The following USP13 variants were observed in gnomAD, a reference collection of about 807,000 sequenced individuals.
USP13 encodes ubiquitin specific peptidase 13.
A neutral mutation model predicts 107.8 loss-of-function variants in USP13; 68 were observed. The ratio of observed to expected loss-of-function variants is 0.63; its 90% confidence interval spans 0.52 to 0.77. The LOEUF is 0.77. Ranked by LOEUF, USP13 falls within the 30% of genes least tolerant of loss-of-function variation. The pLI, the probability that USP13 is intolerant of heterozygous loss-of-function variation, is 0.00. For missense variants in USP13, 945 were observed against 1,093.3 expected, an observed-to-expected ratio of 0.86 and a Z score of 1.91; for synonymous variants, 377 against 389.5, an observed-to-expected ratio of 0.97 and a Z score of 0.38.
At chr3:179,671,787 G>A (rs758338755) in intron 1 of USP13, among the ~76,000 whole-genome samples, 1 of 152,018 alleles carries the variant, frequency 6.6e-6, no homozygotes, top group Non-Finnish European at 1.5e-5. Flanking sequence ...AAAATACGGT[G>A]TTCTGGTCTT....
chr3:179,674,191 C>G (rs1231628572), intron 1 of USP13, among the ~76,000 whole-genome samples: 1 of 152,182 alleles, frequency 6.6e-6, no homozygotes, highest in African/African-American at 2.4e-5. Context: ...CTGCGCCCGG[C>G]CTGTTTTGAG....
At chr3:179,739,109 C>A (rs771438472) in intron 10 of USP13, among the ~76,000 whole-genome samples, 2 of 152,334 alleles carry the variant, frequency 1.3e-5, no homozygotes, top group African/African-American at 4.8e-5. Flanking sequence ...AAGGACCTTT[C>A]CCTGATGCTC....
intron 13 of USP13, among the ~76,000 whole-genome samples, chr3:179,748,323 T>C (rs1013120597): frequency 6.6e-6 from 1 of 152,264 alleles, no homozygotes; most frequent in Non-Finnish European, 1.5e-5. Context: ...TTCTGTATTA[T>C]GCTTTATCAT....
chr3:179,759,197 G>A (rs1714918845), intron 16 of USP13, among the ~76,000 whole-genome samples: 1 of 151,928 alleles, frequency 6.6e-6, no homozygotes, highest in South Asian at 2.1e-4. Flanking sequence ...TAGCTAGGCT[G>A]GTCTCGAACT....
At chr3:179,693,917 G>A (rs189204841) in intron 3 of USP13, among the ~76,000 whole-genome samples, 1 of 151,448 alleles carries the variant, frequency 6.6e-6, no homozygotes, top group East Asian at 2.0e-4. Flanking sequence ...GACCTCAGGT[G>A]GTCTGCCCAC....
chr3:179,659,765 G>A (rs557887943), intron 1 of USP13, among the ~76,000 whole-genome samples: 141 of 152,250 alleles, frequency 9.3e-4, no homozygotes, highest in South Asian at 1.0e-3. Flanking sequence ...TTGGCTGGGC[G>A]CGGTGGCTCA....
At position 179,760,786 on chromosome 3, in the gene USP13, G is replaced by A. The variant is rs556640484; in HGVS notation, c.1949-326G>A. Among the ~76,000 whole-genome samples, 113 of 152,278 alleles carry A rather than the reference G, an allele frequency of 7.4e-4. No individual in the cohort carries two copies. The South Asian group carries it at 0.022, about 30-fold the overall frequency. On this transcript the variant is annotated intron_variant, in intron 16 of 20. Coordinates refer to ENST00000263966, the MANE Select transcript of USP13 (RefSeq NM_003940.3). ...CTGTTCAAGTTTCAGTCATAGGAGA[G>A]GCTGTCATAGAGGTCTTGAGAATGC...
intron 10 of USP13, among the ~76,000 whole-genome samples, chr3:179,732,649 C>G (rs1354518694): frequency 1.3e-5 from 2 of 152,106 alleles, no homozygotes; most frequent in African/African-American, 4.8e-5. Flanking sequence ...CTCTTGGGAT[C>G]TCCTCATTTG....
At chr3:179,723,082 C>T (rs908377597) in intron 8 of USP13, among the ~76,000 whole-genome samples, 5 of 152,098 alleles carry the variant, frequency 3.3e-5, no homozygotes, top group African/African-American at 7.2e-5. Context: ...AGTTTAAGTG[C>T]GGAAGAGGAC....
chr3:179,758,795 G>A (rs955669395), intron 16 of USP13, among the ~76,000 whole-genome samples: 22 of 152,004 alleles, frequency 1.4e-4, no homozygotes, highest in Admixed American at 1.4e-3. Flanking sequence ...ACCGCGCCCG[G>A]CCCTTAAAAT....
At chr3:179,747,704 A>G (rs1714457343) in intron 13 of USP13, among the ~76,000 whole-genome samples, 1 of 152,090 alleles carries the variant, frequency 6.6e-6, no homozygotes, top group Non-Finnish European at 1.5e-5. Flanking sequence ...TCCTGTGTCT[A>G]CCTTCCACGT....
At chr3:179,719,331 A>G (rs1309606697) in intron 6 of USP13, among the ~76,000 whole-genome samples, 9 of 152,138 alleles carry the variant, frequency 5.9e-5, no homozygotes, top group Non-Finnish European at 1.5e-5. Flanking sequence ...GGGAAGCGCC[A>G]CACAGTCTTC....
intron 19 of USP13, among the ~76,000 whole-genome samples, chr3:179,773,271 G>A (rs1192383772): frequency 6.6e-6 from 1 of 152,200 alleles, no homozygotes; most frequent in Non-Finnish European, 1.5e-5. Flanking sequence ...GGGAGTTAGA[G>A]ATAGGCAATG....
At chr3:179,726,739 A>G (rs1576955745) in intron 8 of USP13, among the ~76,000 whole-genome samples, 2 of 151,604 alleles carry the variant, frequency 1.3e-5, no homozygotes, top group Admixed American at 6.6e-5. Flanking sequence ...GTGCAGTGGT[A>G]CAATCACGGC....
intron 4 of USP13, among the ~76,000 whole-genome samples, chr3:179,705,134 G>C (rs769568094): frequency 5.3e-5 from 8 of 152,114 alleles, no homozygotes; most frequent in Non-Finnish European, 8.8e-5. Flanking sequence ...TGGGCTAGGT[G>C]GGGGTGAAAT....
In USP13 at chr3:179,739,300, T is replaced by TC. The variant is rs1042005649; in HGVS notation, c.1255-942dup. The stretch of plus-strand genomic sequence containing the variant: ...CCAGAGTTGCCCTGCTGCCTGTTCT[T>TC]CCCCCGCAGCCTTTCTAGCAGCTGC... On this transcript the variant is annotated intron_variant, in intron 10 of 20. Transcript: ENST00000263966. Among the ~76,000 whole-genome samples the TC allele has an allele frequency of 6.6e-5, 10 of 152,220 alleles. No individual in the cohort carries two copies. In the East Asian group the frequency reaches 9.7e-4, roughly 15 times the overall value.
Position 179,653,109 on chromosome 3 carries a change from C to T in USP13, c.-117C>T, listed in dbSNP as rs1272212199. ...CTCTCCCCGCCCGCCCCGGCTCGGC[C>T]GGCTGCCGTTGCCCGCGCAGCCCGC... On this transcript the variant is annotated 5_prime_UTR_variant, in exon 1 of 21. Coordinates refer to ENST00000263966, the MANE Select transcript of USP13 (RefSeq NM_003940.3). The surrounding 1 kb of genome is among the most constrained non-coding windows in gnomAD (Gnocchi z 4.0). 4 of 907,356 alleles carry T rather than the reference C, an allele frequency of 4.4e-6. No individual in the cohort carries two copies. Among genetic ancestry groups the T allele is most frequent in the Non-Finnish European group, 5.3e-6 (4 of 759,424 alleles). The allele number at this position is 907,356 out of a possible 1,614,324, so 56.2% of individuals were successfully genotyped here. A position where few individuals can be genotyped will look rare whatever the true frequency, so the allele number is the denominator to read the frequency against.
chr3:179,703,635 T>C (rs951790307), intron 4 of USP13, among the ~76,000 whole-genome samples: 1 of 152,210 alleles, frequency 6.6e-6, no homozygotes, highest in Non-Finnish European at 1.5e-5. Flanking sequence ...GCTGATTCCA[T>C]GGTGTAAATA....
At chr3:179,739,068 G>A (rs778494757) in intron 10 of USP13, among the ~76,000 whole-genome samples, 1 of 152,118 alleles carries the variant, frequency 6.6e-6, no homozygotes, top group Admixed American at 6.5e-5. Flanking sequence ...CTGCCTCCCC[G>A]CAACTGTTAT....
Sources: allele counts gnomAD v4.1 joint callset (sites outside exome capture counted in the v4.1 genomes callset), GRCh38; gene constraint gnomAD v4.1.1; non-coding constraint Gnocchi (gnomAD v3.1); transcripts MANE v1.5; gene names NCBI Gene and HGNC (gene_info 2026-07-23, HGNC 2026-07-21).